The following KCNAB1 variants were observed in gnomAD, a reference collection of about 807,000 sequenced individuals.
KCNAB1 encodes the protein voltage-gated potassium channel subunit beta-1.
Under a neutral mutation model 64.6 loss-of-function variants are expected in KCNAB1, and 35 were observed. The observed-to-expected ratio is 0.54, with a 90% confidence interval of 0.41 to 0.72. The LOEUF is 0.72. Ranked by LOEUF, KCNAB1 falls within the 30% of genes least tolerant of loss-of-function variation. KCNAB1 has a pLI of 0.00. For synonymous variants in KCNAB1, 177 were observed against 183.8 expected, an observed-to-expected ratio of 0.96 and a Z score of 0.30; for missense variants, 401 against 512.9, an observed-to-expected ratio of 0.78 and a Z score of 2.11.
intron 1 of KCNAB1, among the ~76,000 whole-genome samples, chr3:156,285,295 A>C (rs1465463475): frequency 6.6e-6 from 1 of 152,220 alleles, no homozygotes; most frequent in Non-Finnish European, 1.5e-5. Flanking sequence ...GACATGGCCA[A>C]TATTTATGCC....
chr3:156,395,543 T>TAAAAAGAAAAAAAA (rs1318444935), intron 1 of KCNAB1, among the ~76,000 whole-genome samples: 1 of 8,450 alleles, frequency 1.2e-4, no homozygotes, highest in Admixed American at 2.7e-3. Flanking sequence ...AGACTCCGTC[T>TAAAAAGAAAAAAAA]CAAAAAAAAA....
intron 1 of KCNAB1, among the ~76,000 whole-genome samples, chr3:156,322,544 G>A (rs1043868169): frequency 1.3e-5 from 2 of 152,090 alleles, no homozygotes; most frequent in African/African-American, 4.8e-5. Flanking sequence ...GTATACAGGA[G>A]GTTGTATGCA....
intron 3 of KCNAB1, among the ~76,000 whole-genome samples, chr3:156,454,722 TTAA>T (rs1712262264): frequency 1.3e-5 from 2 of 152,136 alleles, no homozygotes; most frequent in Admixed American, 6.5e-5. Flanking sequence ...AGGCCTACAG[TTAA>T]TAATCCACTG....
At chr3:156,448,936 A>C (rs1221860866) in intron 2 of KCNAB1, among the ~76,000 whole-genome samples, 1 of 152,168 alleles carries the variant, frequency 6.6e-6, no homozygotes, top group Non-Finnish European at 1.5e-5. Flanking sequence ...AGACGAATGA[A>C]ATAAAAGTGT....
intron 1 of KCNAB1, among the ~76,000 whole-genome samples, chr3:156,367,534 A>C (rs1726026676): frequency 2.6e-5 from 4 of 152,194 alleles, no homozygotes; most frequent in Admixed American, 1.3e-4. Context: ...TGTTTGGAGA[A>C]TATGAAAAAG....
intron 1 of KCNAB1, among the ~76,000 whole-genome samples, chr3:156,222,063 A>G (rs1715801767): frequency 6.6e-6 from 1 of 152,218 alleles, no homozygotes; most frequent in Non-Finnish European, 1.5e-5. Flanking sequence ...TGAATAGAAT[A>G]GTACCTCACA....
intron 13 of KCNAB1, among the ~76,000 whole-genome samples, 156 bp downstream of exon 13, chr3:156,531,653 G>A (rs1252168003): frequency 2.0e-5 from 3 of 152,204 alleles, no homozygotes; most frequent in Admixed American, 2.0e-4. Flanking sequence ...TGGATCCAGG[G>A]TTGTCCTCTG....
chr3:156,229,717 G>T (rs938758949), intron 1 of KCNAB1, among the ~76,000 whole-genome samples: 5 of 152,146 alleles, frequency 3.3e-5, no homozygotes, highest in African/African-American at 1.2e-4. Context: ...GATTAACACA[G>T]AAATGTATCG....
At chr3:156,328,507 G>A (rs1398616452) in intron 1 of KCNAB1, among the ~76,000 whole-genome samples, 1 of 152,046 alleles carries the variant, frequency 6.6e-6, no homozygotes, top group Admixed American at 6.6e-5. Context: ...TATGAATTTG[G>A]TGCTCCTTTA....
intron 1 of KCNAB1, among the ~76,000 whole-genome samples, chr3:156,215,301 C>T (rs186808958): frequency 2.6e-5 from 4 of 152,074 alleles, no homozygotes; most frequent in Admixed American, 6.6e-5. Flanking sequence ...ACCTGTGGCC[C>T]GCAAGCATCA....
At chr3:156,176,657 G>T in intron 1 of KCNAB1, 1 of 1,039,924 alleles carries the variant, frequency 9.6e-7, no homozygotes, top group Non-Finnish European at 1.5e-6. Context: ...GTCAAATCCT[G>T]CAGATGCTAA....
At chr3:156,402,999 G>A (rs540763153) in intron 1 of KCNAB1, among the ~76,000 whole-genome samples, 3 of 152,176 alleles carry the variant, frequency 2.0e-5, no homozygotes, top group South Asian at 4.2e-4. Context: ...ACCCTATGCC[G>A]AGCTCTGAAG....
intron 1 of KCNAB1, among the ~76,000 whole-genome samples, chr3:156,199,672 C>G (rs942538860): frequency 2.6e-5 from 4 of 152,158 alleles, no homozygotes; most frequent in Admixed American, 2.6e-4. Flanking sequence ...TCCATCAGGT[C>G]ATTTATGTTC....
chr3:156,297,715 G>A (rs144625879), intron 1 of KCNAB1, among the ~76,000 whole-genome samples: 120 of 152,162 alleles, frequency 7.9e-4, no homozygotes, highest in Admixed American at 1.8e-3. Context: ...CAATTCAACT[G>A]AAAGATCAAT....
At chr3:156,408,663 C>T (rs1293742137) in intron 1 of KCNAB1, among the ~76,000 whole-genome samples, 3 of 151,966 alleles carry the variant, frequency 2.0e-5, no homozygotes, top group Admixed American at 1.3e-4. Context: ...ACCTGTAATC[C>T]CAGCTACTCA....
intron 1 of KCNAB1, among the ~76,000 whole-genome samples, chr3:156,344,510 G>A (rs1488894108): frequency 6.6e-6 from 1 of 152,154 alleles, no homozygotes; most frequent in South Asian, 2.1e-4. Flanking sequence ...GCTGAGAGAG[G>A]GTGGGAATAT....
chr3:156,377,725 G>A (rs893254369), intron 1 of KCNAB1, among the ~76,000 whole-genome samples: 1 of 152,114 alleles, frequency 6.6e-6, no homozygotes, highest in Non-Finnish European at 1.5e-5. Context: ...ATATGAGAGC[G>A]ATTGCTAAGA....
chr3:156,396,394 G>A (rs1357922557), intron 1 of KCNAB1, among the ~76,000 whole-genome samples: 1 of 152,200 alleles, frequency 6.6e-6, no homozygotes, highest in Admixed American at 6.5e-5. Context: ...CAACAGGGCA[G>A]CCACTTTCAT....
intron 1 of KCNAB1, among the ~76,000 whole-genome samples, chr3:156,199,233 G>T (rs971173414): frequency 1.3e-5 from 2 of 152,030 alleles, no homozygotes; most frequent in African/African-American, 4.8e-5. Context: ...TGATCTTTCT[G>T]TCTGGCTGCT....
Sources: gnomAD v4.1 joint callset for allele counts (sites outside exome capture counted in the v4.1 genomes callset) on GRCh38, gnomAD v4.1.1 for gene constraint, MANE v1.5 for transcripts, NCBI Gene and HGNC (gene_info 2026-07-23, HGNC 2026-07-21) for gene names.